TDRD1: variants seen among roughly 807,000 people sequenced by gnomAD.
TDRD1 encodes the protein tudor domain containing 1, also known as tudor domain-containing protein 1.
Under a neutral mutation model 140.6 loss-of-function variants are expected in TDRD1, and 37 were observed. The ratio of observed to expected loss-of-function variants is 0.26; its 90% CI spans 0.20 to 0.35. TDRD1 has a LOEUF of 0.35. Among genes scored for constraint, TDRD1 ranks in the 10% least tolerant of loss-of-function variants. The pLI, the probability that TDRD1 is intolerant of heterozygous loss-of-function variation, is 1.00. For synonymous variants in TDRD1, 506 were observed against 475.7 expected (o/e 1.06, Z -0.83); for missense variants, 1,243 against 1,393.0 (o/e 0.89, Z 1.71).
chr10:114,218,669 T>C, intron 18 of TDRD1, 85 bp downstream of exon 18: 1 of 1,012,034 alleles, frequency 9.9e-7, no homozygotes, highest in African/African-American at 1.6e-5. Context: ...TGTTAACATT[T>C]CGTGTGAGTT....
chr10:114,220,889 C>T, intron 19 of TDRD1, 46 bp downstream of exon 19: 1 of 1,389,954 alleles, frequency 7.2e-7, no homozygotes, highest in Non-Finnish European at 9.9e-7. Flanking sequence ...TTATTCTTTG[C>T]TCTCAGAGAC....
At chr10:114,231,330 A>G (rs1341526191) in intron 25 of TDRD1, among the ~76,000 whole-genome samples, 1 of 152,222 alleles carries the variant, frequency 6.6e-6, no homozygotes, top group Admixed American at 6.5e-5. Context: ...ATGCTATGTT[A>G]TGGTGGTCAT....
At chr10:114,227,115 G>T (rs376016268) in exon 23 of TDRD1, 233 of 1,591,916 alleles carry the variant, frequency 1.5e-4, no homozygotes, top group Non-Finnish European at 2.0e-4. Context: ...TAATAATAAT[G>T]CTATTAAAAA....
chr10:114,221,273 A>G, intron 19 of TDRD1, 84 bp from the exon 20 acceptor site: 5 of 1,257,596 alleles, frequency 4.0e-6, no homozygotes, highest in Non-Finnish European at 5.6e-6. Context: ...TCATGAACAA[A>G]TGATTGAATT....
rs756481552 is a variant in TDRD1, at chr10:114,204,088, A to G, written c.997A>G (p.Ile333Val). 66 of 1,605,856 alleles carry G rather than the reference A, an allele frequency of 4.1e-5. No individual in the cohort carries two copies. The Middle Eastern group carries it at 7.1e-4, about 17-fold the overall frequency. Residue 333 changes from isoleucine (I) to valine (V), a missense_variant, in exon 9 of 26, where the codon ATC (isoleucine) becomes GTC (valine). Ile to Val is a conservative substitution (Grantham distance 29). Coordinates refer to ENST00000251864, the Ensembl canonical transcript of TDRD1. ...TCACTTTCAGACCTGGAACAGAGCA[A>G]TCATACAAAACGTTGATGTGCAGCA...
chr10:114,227,506 C>T (rs1356575714), intron 23 of TDRD1, among the ~76,000 whole-genome samples: 1 of 152,218 alleles, frequency 6.6e-6, no homozygotes, highest in Non-Finnish European at 1.5e-5. Context: ...GTCCTTAGAT[C>T]AGACTTGTCA....
At chr10:114,211,490 A>G (rs1234115211) in intron 13 of TDRD1, among the ~76,000 whole-genome samples, 2 of 152,192 alleles carry the variant, frequency 1.3e-5, no homozygotes, top group Non-Finnish European at 2.9e-5. Context: ...TCACTTGGTT[A>G]GTGGAGTCTG....
At chr10:114,206,275 G>A (rs943269730) in exon 11 of TDRD1, 1 of 1,613,394 alleles carries the variant, frequency 6.2e-7, no homozygotes, top group African/African-American at 1.3e-5. Flanking sequence ...TTATAGAAAT[G>A]GGATATGGCT....
chr10:114,201,325 G>T, intron 4 of TDRD1, 85 bp from the exon 5 acceptor site: 2 of 1,070,172 alleles, frequency 1.9e-6, no homozygotes, highest in East Asian at 2.4e-5. Context: ...TCTTGCCATG[G>T]CTAATAGAAT....
At chr10:114,213,706 A>T in intron 15 of TDRD1, 118 bp downstream of exon 15, 1 of 989,980 alleles carries the variant, frequency 1.0e-6, no homozygotes, top group Non-Finnish European at 1.5e-6. Flanking sequence ...TTTTTAAATC[A>T]AGCATTCATC....
At chr10:114,212,623 G>A (rs10510001) in intron 14 of TDRD1, among the ~76,000 whole-genome samples, 38,314 of 152,004 alleles carry the variant, frequency 0.25, 5,118 homozygotes, top group African/African-American at 0.33. Context: ...CTTGCATTTC[G>A]TAAACTGACT....
intron 17 of TDRD1, among the ~76,000 whole-genome samples, chr10:114,218,141 A>G (rs2035928617): frequency 6.6e-6 from 1 of 152,184 alleles, no homozygotes; most frequent in Non-Finnish European, 1.5e-5. Context: ...TCACCTTCAC[A>G]TTCTGTTTAT....
chr10:114,213,471 A>G, exon 15 of TDRD1: 1 of 1,614,072 alleles, frequency 6.2e-7, no homozygotes, highest in South Asian at 1.1e-5. Flanking sequence ...GGTGGAGCTT[A>G]TTGATAAATC....
At chr10:114,212,154 A>G (rs1364073589) in intron 14 of TDRD1, 118 bp downstream of exon 14, 6 of 873,310 alleles carry the variant, frequency 6.9e-6, no homozygotes, top group Non-Finnish European at 8.4e-6. Context: ...CAGATGCTTA[A>G]AAGTTACTAT....
chr10:114,175,826 G>A (rs552054411), upstream of TDRD1, among the ~76,000 whole-genome samples: 17 of 152,300 alleles, frequency 1.1e-4, no homozygotes, highest in African/African-American at 4.1e-4. Flanking sequence ...AAAAAAATCA[G>A]TGAGTGCATT....
chr10:114,215,056 T>C (rs1032461619), intron 16 of TDRD1, among the ~76,000 whole-genome samples: 1 of 152,146 alleles, frequency 6.6e-6, no homozygotes, highest in African/African-American at 2.4e-5. Flanking sequence ...ACCTCTCTCT[T>C]TCAAAAGTAA....
intron 3 of TDRD1, among the ~76,000 whole-genome samples, chr10:114,198,034 CG>C (rs1564941784): frequency 6.6e-6 from 1 of 152,082 alleles, no homozygotes; most frequent in African/African-American, 2.4e-5. Context: ...ACCGCCAGGT[CG>C]GGGGGTATAT....
intron 25 of TDRD1, among the ~76,000 whole-genome samples, chr10:114,229,292 A>G (rs985477030): frequency 2.6e-5 from 4 of 152,202 alleles, no homozygotes; most frequent in African/African-American, 9.6e-5. Context: ...TGAATCTTTT[A>G]TGGGTGTAGT....
rs2035105967 is a variant in TDRD1 at position 114,206,419 on chromosome 10, T to G, written c.1384+89T>G. The G allele has an allele frequency of 1.2e-5, 11 of 937,096 alleles. No homozygotes were observed. In the East Asian group the frequency reaches 2.6e-4, roughly 22 times the overall value. 58.0% of individuals were successfully genotyped at this position (937,096 alleles called of 1,614,324 possible). A position where few individuals can be genotyped will look rare whatever the true frequency, so the allele number is the denominator to read the frequency against. On this transcript the variant is annotated intron_variant, in intron 11 of 25. Coordinates refer to ENST00000251864, the Ensembl canonical transcript of TDRD1. ...AACAAAGGCACAACTTTAGCACTGT[T>G]AAGACTTGTTAACGATAAACATCCT...
Sources: gnomAD v4.1 joint callset for allele counts (sites outside exome capture counted in the v4.1 genomes callset) on GRCh38, gnomAD v4.1.1 for gene constraint, MANE v1.5 for transcripts, NCBI Gene and HGNC (gene_info 2026-07-23, HGNC 2026-07-21) for gene names.